Variants in FGF21 observed in about 807,000 individuals in gnomAD.
FGF21 encodes the protein fibroblast growth factor 21.
Under a neutral mutation model 13.4 loss-of-function variants are expected in FGF21, and 13 were observed. The ratio of observed to expected loss-of-function variants is 0.97; its 90% CI spans 0.63 to 1.54. FGF21 has a LOEUF of 1.54. Among genes scored for constraint, FGF21 ranks in the 40% most tolerant of loss-of-function variants. The pLI is 0.00. For missense variants in FGF21, 303 were observed against 272.4 expected (o/e 1.11, Z -0.79); for synonymous variants, 124 against 123.6 (o/e 1.00, Z -0.02).
intron 3 of FGF21, 28 bp from the exon 4 acceptor site, chr19:48,757,902 T>A: frequency 6.6e-7 from 1 of 1,518,324 alleles, no homozygotes; most frequent in Non-Finnish European, 8.8e-7. Flanking sequence ...AGAGGAACCC[T>A]GTCTCTGATC....
In FGF21 at chr19:48,756,918, C is replaced by T. The variant is rs1440134826; in HGVS notation, c.236-8C>T. On this transcript the variant is annotated splice_polypyrimidine_tract_variant and splice_region_variant and intron_variant, in intron 2 of 3. Transcript: ENST00000593756. ...TCCTCGAACCACCTTATCGCTTTCA[C>T]CCCTTAGGTCTCCTGCAGCTGAAAG... 4 of 1,609,502 alleles carry T rather than the reference C, an allele frequency of 2.5e-6. No homozygotes were observed. Among genetic ancestry groups the T allele is most frequent in the Middle Eastern group, 1.7e-4 (1 of 6,052 alleles).
At chr19:48,756,626 GGA>G (rs369291487) in intron 2 of FGF21, among the ~76,000 whole-genome samples, 155 bp downstream of exon 2, 9 of 77,106 alleles carry the variant, frequency 1.2e-4, no homozygotes, top group African/African-American at 1.6e-4. Flanking sequence ...GAGGGGCTGG[GGA>G]TCTGGGCCCC....
chr19:48,758,043 C>G lies in FGF21; in HGVS notation c.453C>G (p.Ser151=), dbSNP rs1224643226. The part of the protein sequence containing the change: ...GLPLHLPGNK[S]PHRDPAPRGP... Reference sequence around the variant, plus strand: ...CGCTGCACCTGCCAGGGAACAAGTCCCCACACCGGGACCCTGCACCCCGAG... The same window carrying G: ...CGCTGCACCTGCCAGGGAACAAGTCGCCACACCGGGACCCTGCACCCCGAG... The change falls in exon 4 of 4, where the codon TCC becomes TCG. Residue 151 remains serine, a synonymous_variant. Coordinates refer to ENST00000593756, the MANE Select transcript of FGF21 (RefSeq NM_019113.4). The G allele has an allele frequency of 2.5e-6, 4 of 1,613,380 alleles. No homozygotes were observed. The Admixed American group carries it at 5.0e-5, about 20-fold the overall frequency.
Position 48,758,194 on chromosome 19 carries a change from GGCCGAAGCCCCAGCTACGCTTCCTGAA to G in FGF21, c.608_*4del. 1 of 1,610,570 alleles carries G rather than the reference GGCCGAAGCCCCAGCTACGCTTCCTGAA, an allele frequency of 6.2e-7. No homozygotes were observed. ...TCTGAGCATGGTGGGACCTTCCCAG[GGCCGAAGCCCCAGCTACGCTTCCTGAA>G]GCCAGAGGCTGTTTACTATGACATC... On this transcript the variant is annotated stop_lost and 3_prime_UTR_variant, in exon 4 of 4. Transcript: ENST00000593756.
Position 48,756,934 on chromosome 19 carries a change from C to T in FGF21, c.244C>T (p.Gln82Ter). The change falls in exon 3 of 4, where the codon CAG (glutamine) becomes TAG (stop). Residue 82 changes from glutamine to a stop codon, truncating the protein, a stop_gained. Coordinates refer to ENST00000593756, the MANE Select transcript of FGF21 (RefSeq NM_019113.4). LOFTEE classifies it high-confidence loss of function. Reference sequence around the variant, plus strand: ...TCGCTTTCACCCCTTAGGTCTCCTGCAGCTGAAAGCCTTGAAGCCGGGAGT... The same window carrying T: ...TCGCTTTCACCCCTTAGGTCTCCTGTAGCTGAAAGCCTTGAAGCCGGGAGT... The part of the protein sequence containing the change: ...AADQSPESLL[Q>*]LKALKPGVIQ... 1.2e-6 allele frequency: 2 copies of T among 1,613,702 alleles called. No homozygotes were observed. Among genetic ancestry groups the T allele is most frequent in the Non-Finnish European group, 1.7e-6 (2 of 1,179,684 alleles).
chr19:48,756,089 G>C lies in FGF21; in HGVS notation c.-148G>C. 2 of 636,576 alleles carry C rather than the reference G, an allele frequency of 3.1e-6. No individual in the cohort carries two copies. Among genetic ancestry groups the C allele is most frequent in the Non-Finnish European group, 5.4e-6 (2 of 368,964 alleles). 39.4% of individuals were successfully genotyped at this position (636,576 alleles called of 1,614,324 possible). A position where few individuals can be genotyped will look rare whatever the true frequency, so the allele number is the denominator to read the frequency against. ...CTATCCCAAAAAACAAGGGTGTTCT[G>C]TCAGCTGAGGATCCAGCCGAAAGAG... is the stretch of plus-strand genomic sequence containing the variant. On this transcript the variant is annotated 5_prime_UTR_variant, in exon 2 of 4. Coordinates refer to ENST00000593756, the MANE Select transcript of FGF21 (RefSeq NM_019113.4).
chr19:48,756,252 A>G lies in FGF21; in HGVS notation c.16A>G (p.Thr6Ala). The G allele has an allele frequency of 6.2e-7, 1 of 1,613,584 alleles. No individual in the cohort carries two copies. ...CGAGCCATTGATGGACTCGGACGAGACCGGGTTCGAGCACTCAGGACTGTG... is the reference window on the plus strand; with the variant it reads ...CGAGCCATTGATGGACTCGGACGAGGCCGGGTTCGAGCACTCAGGACTGTG... MDSDE[T>A]GFEHSGLWVS... Residue 6 changes from threonine (T) to alanine (A), a missense_variant, in exon 2 of 4, where the codon ACC becomes GCC. Thr to Ala is a moderately conservative substitution (Grantham distance 58). Coordinates refer to ENST00000593756, the MANE Select transcript of FGF21 (RefSeq NM_019113.4).
Position 48,758,096 on chromosome 19 carries a change from G to C in FGF21, c.506G>C (p.Gly169Ala). ...CCAGCTCGCTTCCTGCCACTACCAG[G>C]CCTGCCCCCCGCACTCCCGGAGCCA... ...RGPARFLPLP[G>A]LPPALPEPPG... The change falls in exon 4 of 4, where the codon GGC becomes GCC. Residue 169 changes from glycine (G) to alanine (A), a missense_variant. Coordinates refer to ENST00000593756, the MANE Select transcript of FGF21 (RefSeq NM_019113.4). 6.2e-7 allele frequency: 1 copy of C among 1,611,928 alleles called. No individual in the cohort carries two copies. Among genetic ancestry groups the C allele is most frequent in the Non-Finnish European group, 8.5e-7 (1 of 1,179,380 alleles).
Position 48,758,251 on chromosome 19 carries a change from CTTTA to C in FGF21, c.*38_*41del, listed in dbSNP as rs1160683984. 3.2e-6 allele frequency: 5 copies of C among 1,543,162 alleles called. No individual in the cohort carries two copies. The highest frequency in any genetic ancestry group is 4.4e-6 in the Non-Finnish European group (5 of 1,148,982). ...GAGGCTGTTTACTATGACATCTCCT[CTTTA>C]TTTATTAGGTTATTTATCTTATTTA... On this transcript the variant is annotated 3_prime_UTR_variant, in exon 4 of 4. Transcript: ENST00000593756.
In FGF21 at chr19:48,758,009, A is replaced by ACGGCCTCC; in HGVS notation, c.422_429dup (p.Leu144AlafsTer54). The stretch of plus-strand genomic sequence containing the variant: ...TACAATGTTTACCAGTCCGAAGCCC[A>ACGGCCTCC]CGGCCTCCCGCTGCACCTGCCAGGG... On this transcript the variant is annotated frameshift_variant, in exon 4 of 4. Coordinates refer to ENST00000593756, the MANE Select transcript of FGF21 (RefSeq NM_019113.4). LOFTEE classifies it low-confidence loss of function (END_TRUNC). The ACGGCCTCC allele has an allele frequency of 6.2e-7, 1 of 1,612,834 alleles. No homozygotes were observed.
chr19:48,758,284 T>G lies in FGF21; in HGVS notation c.*64T>G. 7.2e-7 allele frequency: 1 copy of G among 1,384,486 alleles called. No homozygotes were observed. The highest frequency in any genetic ancestry group is 1.6e-5 in the South Asian group (1 of 64,362). The allele number at this position is 1,384,486 out of a possible 1,614,324, so 85.8% of individuals were successfully genotyped here. ...ATTAGGTTATTTATCTTATTTATTT[T>G]TTTATTTTTCTTACTTGAGATAATA... On this transcript the variant is annotated 3_prime_UTR_variant, in exon 4 of 4. Transcript: ENST00000593756.
chr19:48,756,878 C>G (rs572130271), intron 2 of FGF21, 48 bp from the exon 3 acceptor site: 1 of 1,450,590 alleles, frequency 6.9e-7, no homozygotes, highest in Non-Finnish European at 9.7e-7. Flanking sequence ...GTGGGACAGT[C>G]CCGGGTGGGA....
In FGF21 at chr19:48,758,197, C is replaced by G. The variant is rs760751014; in HGVS notation, c.607C>G (p.Arg203Gly). ...GAGCATGGTGGGACCTTCCCAGGGC[C>G]GAAGCCCCAGCTACGCTTCCTGAAG... ...PLSMVGPSQG[R>G]SPSYAS Residue 203 changes from arginine to glycine, a missense_variant, in exon 4 of 4, where the codon CGA (arginine) becomes GGA (glycine). Arg to Gly is a moderately radical substitution (Grantham distance 125, BLOSUM62 -2). Coordinates refer to ENST00000593756, the MANE Select transcript of FGF21 (RefSeq NM_019113.4). The G allele has an allele frequency of 1.2e-6, 2 of 1,610,150 alleles. No individual in the cohort carries two copies. Among genetic ancestry groups the G allele is most frequent in the African/African-American group, 1.3e-5 (1 of 74,930 alleles).
Position 48,757,016 on chromosome 19 carries a change from C to A in FGF21, c.326C>A (p.Ala109Asp), listed in dbSNP as rs3745711. ...TTCCTGTGCCAGCGGCCAGATGGGG[C>A]CCTGTATGGATCGGTGAGTTTCCAG... The part of the protein sequence containing the change: ...SRFLCQRPDG[A>D]LYGSLHFDPE... The change falls in exon 3 of 4, where the codon GCC becomes GAC. Residue 109 changes from alanine (A) to aspartate (D), a missense_variant. Transcript: ENST00000593756. 63 of 1,613,688 alleles carry A rather than the reference C, an allele frequency of 3.9e-5. No individual in the cohort carries two copies. The East Asian group carries it at 1.4e-3, about 36-fold the overall frequency.
At chr19:48,756,657 G>A (rs1195726434) in intron 2 of FGF21, among the ~76,000 whole-genome samples, 186 bp downstream of exon 2, 2 of 149,676 alleles carry the variant, frequency 1.3e-5, no homozygotes, top group Admixed American at 6.7e-5. Context: ...AGGGAGGAGG[G>A]GCTGGGTCTG....
chr19:48,757,035 T>A lies in FGF21; in HGVS notation c.339+6T>A. Reference sequence around the variant, plus strand: ...ATGGGGCCCTGTATGGATCGGTGAGTTTCCAGGACCCTCCTCACCACCCAC... The same window carrying A: ...ATGGGGCCCTGTATGGATCGGTGAGATTCCAGGACCCTCCTCACCACCCAC... On this transcript the variant is annotated splice_donor_region_variant and intron_variant, in intron 3 of 3. Transcript: ENST00000593756. 1 of 1,609,096 alleles carries A rather than the reference T, an allele frequency of 6.2e-7. No homozygotes were observed. Among genetic ancestry groups the A allele is most frequent in the Non-Finnish European group, 8.5e-7 (1 of 1,175,830 alleles).
chr19:48,757,856 C>T, intron 3 of FGF21, 74 bp from the exon 4 acceptor site: 3 of 1,425,970 alleles, frequency 2.1e-6, no homozygotes, highest in Non-Finnish European at 2.8e-6. Flanking sequence ...GGAGGCAGGG[C>T]TGGGGCCTGG....
At chr19:48,757,846 G>A (rs2034134980) in intron 3 of FGF21, 84 bp from the exon 4 acceptor site, 1 of 1,352,970 alleles carries the variant, frequency 7.4e-7, no homozygotes, top group Non-Finnish European at 1.0e-6. Flanking sequence ...TGGGTCTGAG[G>A]GAGGCAGGGC....
intron 2 of FGF21, among the ~76,000 whole-genome samples, chr19:48,756,716 T>G (rs35650232): frequency 0.28 from 40,735 of 147,406 alleles, 6,039 homozygotes; most frequent in East Asian, 0.58. Flanking sequence ...ACTCTTGGGT[T>G]TGAAGGAGGA....
Sources: gnomAD v4.1 joint callset for allele counts (sites outside exome capture counted in the v4.1 genomes callset) on GRCh38, gnomAD v4.1.1 for gene constraint, MANE v1.5 for transcripts, NCBI Gene and HGNC (gene_info 2026-07-23, HGNC 2026-07-21) for gene names.